DGKD: variants seen among roughly 807,000 people sequenced by gnomAD.
DGKD encodes the protein diacylglycerol kinase delta, also known as DAG kinase delta.
DGKD carries 68 observed loss-of-function variants against 154.4 expected under a neutral mutation model. The ratio of observed to expected loss-of-function variants is 0.44; its 90% CI spans 0.36 to 0.54. The LOEUF (loss-of-function observed/expected upper bound fraction) is 0.54. Among genes scored for constraint, DGKD ranks in the 20% least tolerant of loss-of-function variants. DGKD has a pLI of 0.00. For synonymous variants in DGKD, 693 were observed against 638.0 expected, an observed-to-expected ratio of 1.09 and a Z score of -1.30; for missense variants, 1,343 against 1,593.6, an observed-to-expected ratio of 0.84 and a Z score of 2.68.
intron 1 of DGKD, among the ~76,000 whole-genome samples, chr2:233,383,041 T>C (rs1217819378): frequency 6.6e-6 from 1 of 150,868 alleles, no homozygotes; most frequent in Non-Finnish European, 1.5e-5. Flanking sequence ...TCTTTCTTTC[T>C]TTCTTTTTTT....
In DGKD at chr2:233,407,024, G is replaced by C. The variant is rs550160576; in HGVS notation, c.348+16541G>C. On this transcript the variant is annotated intron_variant, in intron 3 of 29. Coordinates refer to ENST00000264057, the MANE Select transcript of DGKD (RefSeq NM_152879.3). ...ATAAAGAAGGTCTTCCTTGTTAGCT[G>C]TGTGACCTAGGGCAGATACTTCATC... Among the ~76,000 whole-genome samples the C allele has an allele frequency of 2.2e-4, 33 of 152,324 alleles. 1 individual carries two copies. The South Asian group carries it at 6.4e-3, about 30-fold the overall frequency.
In DGKD at chr2:233,449,861, A is replaced by G. The variant is rs2063212148; in HGVS notation, c.1889-121A>G. The G allele has an allele frequency of 8.0e-7, 1 of 1,248,244 alleles. No homozygotes were observed. Among genetic ancestry groups the G allele is most frequent in the South Asian group, 1.6e-5 (1 of 61,178 alleles). 77.3% of individuals were successfully genotyped at this position (1,248,244 alleles called of 1,614,324 possible). ...GTGGGGTTTCGGAGTCCAAGCCTTT[A>G]GCCAGAGGTTGTTTGAGGAAGATCA... is the stretch of plus-strand genomic sequence containing the variant. On this transcript the variant is annotated intron_variant, in intron 15 of 29. Transcript: ENST00000264057. This position sits in a 1 kb window ranked among gnomAD's most constrained non-coding sequence, Gnocchi z 5.3.
chr2:233,450,926 G>T lies in DGKD; in HGVS notation c.2043G>T (p.Ser681=), dbSNP rs766370089. Residue 681 remains serine, a synonymous_variant, in exon 17 of 30, where the codon TCG becomes TCT. Transcript: ENST00000264057. Reference sequence around the variant, plus strand: ...TTTTCTGCTGTGTTGTTACAGTGTCGAAATCTCCGTGTGAAAAGCTGATCA... The same window carrying T: ...TTTTCTGCTGTGTTGTTACAGTGTCTAAATCTCCGTGTGAAAAGCTGATCA... ...VPKGRSQRKV[S]KSPCEKLISK... 1.2e-6 allele frequency: 2 copies of T among 1,600,366 alleles called. No homozygotes were observed.
intron 29 of DGKD, among the ~76,000 whole-genome samples, chr2:233,469,089 C>A (rs959773398): frequency 4.6e-5 from 7 of 152,214 alleles, no homozygotes; most frequent in Non-Finnish European, 1.0e-4. Context: ...CAGTGGCTCT[C>A]ATGAGGTCAC....
intron 3 of DGKD, among the ~76,000 whole-genome samples, chr2:233,401,249 G>A (rs1409674245): frequency 6.6e-6 from 1 of 152,142 alleles, no homozygotes; most frequent in African/African-American, 2.4e-5. Flanking sequence ...GTTAATGAAT[G>A]TAGGCATGAT....
chr2:233,370,098 A>G (rs1447823352), intron 1 of DGKD, among the ~76,000 whole-genome samples: 2 of 152,250 alleles, frequency 1.3e-5, no homozygotes, highest in Non-Finnish European at 2.9e-5. Flanking sequence ...TGTATCCCCT[A>G]CATGGAAATC....
Position 233,458,166 on chromosome 2 carries a change from C to T in DGKD, c.2581-118C>T. 1.7e-6 allele frequency: 1 copy of T among 597,652 alleles called. No individual in the cohort carries two copies. Among genetic ancestry groups the T allele is most frequent in the Non-Finnish European group, 3.0e-6 (1 of 329,614 alleles). 37.0% of individuals were successfully genotyped at this position (597,652 alleles called of 1,614,324 possible). On this transcript the variant is annotated intron_variant, in intron 21 of 29. Transcript: ENST00000264057. This position sits in a 1 kb window ranked among gnomAD's most constrained non-coding sequence, Gnocchi z 6.6. ...ATGAAGCCCGTCAGGAGTGCAGTTA[C>T]CTGGTAACTTCTCGCCAGCTAGGAG...
chr2:233,435,172 A>C (rs770751244), intron 5 of DGKD, among the ~76,000 whole-genome samples: 1 of 152,218 alleles, frequency 6.6e-6, no homozygotes, highest in African/African-American at 2.4e-5. Context: ...AGGGAAAGGC[A>C]CTGAAGGAAC....
rs188064637 is a variant in DGKD at position 233,384,189 on chromosome 2, G to T, written c.157-4068G>T. Among the ~76,000 whole-genome samples, 7 of 152,242 alleles carry T rather than the reference G, an allele frequency of 4.6e-5. No individual in the cohort carries two copies. In the East Asian group the frequency reaches 1.2e-3, roughly 25 times the overall value. On this transcript the variant is annotated intron_variant, in intron 1 of 29. Coordinates refer to ENST00000264057, the MANE Select transcript of DGKD (RefSeq NM_152879.3). ...TCGACCCCATCAGGCCACCATGTCC[G>T]CTCTGGCAGGTCCTCGGTGACCCCC...
intron 3 of DGKD, among the ~76,000 whole-genome samples, chr2:233,404,066 T>C (rs1190999277): frequency 6.6e-6 from 1 of 152,240 alleles, no homozygotes; most frequent in East Asian, 1.9e-4. Context: ...TTACATGTGT[T>C]ATATACATGT....
At position 233,438,774 on chromosome 2, in the gene DGKD, C is replaced by T. The variant is rs548217630; in HGVS notation, c.1085+395C>T. ...ATCTATCATCTATCTATCTATCTAT[C>T]TATCTATCTATCTATCTATCTATCT... is the stretch of plus-strand genomic sequence containing the variant. On this transcript the variant is annotated intron_variant, in intron 9 of 29. Coordinates refer to ENST00000264057, the MANE Select transcript of DGKD (RefSeq NM_152879.3). This position sits in a 1 kb window ranked among gnomAD's most constrained non-coding sequence, Gnocchi z 4.1. 9.5e-5 allele frequency among the ~76,000 whole-genome samples: 12 copies of T among 126,916 alleles called. No homozygotes were observed. The highest frequency in any genetic ancestry group is 2.9e-4 in the African/African-American group (9 of 31,540). 83.3% of individuals were successfully genotyped at this position (126,916 alleles called of 152,430 possible). A position where few individuals can be genotyped will look rare whatever the true frequency, so the allele number is the denominator to read the frequency against.
At chr2:233,360,065 A>G (rs1701710150) in intron 1 of DGKD, among the ~76,000 whole-genome samples, 1 of 152,060 alleles carries the variant, frequency 6.6e-6, no homozygotes, top group Admixed American at 6.6e-5. Context: ...ACAGTCTGCT[A>G]ATAAGATGAT....
intron 19 of DGKD, among the ~76,000 whole-genome samples, chr2:233,455,364 G>GT (rs1218989831): frequency 6.6e-6 from 1 of 152,134 alleles, no homozygotes; most frequent in Non-Finnish European, 1.5e-5. Context: ...GGGGGTTTCA[G>GT]TTTTTTTCCT....
At position 233,458,374 on chromosome 2, in the gene DGKD, C is replaced by T. The variant is rs536459812; in HGVS notation, c.2671C>T (p.Leu891=). Residue 891 remains leucine, a synonymous_variant, in exon 22 of 30, where the codon CTA becomes TTA. Transcript: ENST00000264057. This position sits in a 1 kb window ranked among gnomAD's most constrained non-coding sequence, Gnocchi z 6.6. ...MQMAVSRVIR[L]QHHRIAQCRT... ...GATGGCCGTCTCTCGAGTCATCAGG[C>T]TACAGCATCATCGGATCGCCCAGGT... 189 of 1,610,622 alleles carry T rather than the reference C, an allele frequency of 1.2e-4. 4 individuals are homozygous for T. The South Asian group carries it at 2.1e-3, about 18-fold the overall frequency.
intron 3 of DGKD, among the ~76,000 whole-genome samples, chr2:233,426,142 T>A (rs2062289714): frequency 6.6e-6 from 1 of 152,262 alleles, no homozygotes; most frequent in Non-Finnish European, 1.5e-5. Flanking sequence ...GAAAATCCAT[T>A]TCTAACACTG....
intron 3 of DGKD, among the ~76,000 whole-genome samples, chr2:233,415,228 G>A (rs1007092603): frequency 1.3e-5 from 2 of 152,216 alleles, no homozygotes; most frequent in Non-Finnish European, 2.9e-5. Flanking sequence ...GCACAGAAAA[G>A]TTGGAGGACA....
intron 3 of DGKD, among the ~76,000 whole-genome samples, chr2:233,419,788 T>TGGG (rs761839925): frequency 2.0e-5 from 3 of 152,080 alleles, no homozygotes; most frequent in Non-Finnish European, 4.4e-5. Context: ...TGGGTGTGGG[T>TGGG]GGATTTTCAC....
intron 1 of DGKD, among the ~76,000 whole-genome samples, chr2:233,375,246 G>A (rs1425127907): frequency 6.6e-6 from 1 of 152,058 alleles, no homozygotes; most frequent in African/African-American, 2.4e-5. Context: ...AGCCGAGATC[G>A]TGCCACCGCG....
chr2:233,453,140 C>G (rs1430694496), intron 18 of DGKD, among the ~76,000 whole-genome samples: 1 of 152,218 alleles, frequency 6.6e-6, no homozygotes, highest in East Asian at 1.9e-4. Flanking sequence ...GGAACTTCCA[C>G]TTCTGTTGCT....
Sources: gnomAD v4.1 joint callset for allele counts (sites outside exome capture counted in the v4.1 genomes callset) on GRCh38, gnomAD v4.1.1 for gene constraint, Gnocchi (gnomAD v3.1) non-coding constraint, MANE v1.5 for transcripts, NCBI Gene and HGNC (gene_info 2026-07-23, HGNC 2026-07-21) for gene names.